MEP1B: variants seen among roughly 807,000 people sequenced by gnomAD.
MEP1B encodes the protein N-benzoyl-L-tyrosyl-P-amino-benzoic acid hydrolase subunit beta.
In MEP1B, 80 loss-of-function variants were observed where a neutral mutation model predicts 84.6. The ratio of observed to expected loss-of-function variants is 0.95; its 90% CI spans 0.79 to 1.14. The LOEUF (loss-of-function observed/expected upper bound fraction) is 1.14, where lower values mean the gene tolerates loss of function less well. Among genes scored for constraint, MEP1B ranks in the 50% most tolerant of loss-of-function variants. The pLI, the probability that MEP1B is intolerant of heterozygous loss-of-function variation, is 0.00. For missense variants in MEP1B, 766 were observed against 855.1 expected (o/e 0.90, Z 1.30); for synonymous variants, 273 against 288.1 (o/e 0.95, Z 0.53).
chr18:32,206,902 G>A (rs2040971269), intron 7 of MEP1B, among the ~76,000 whole-genome samples: 1 of 152,170 alleles, frequency 6.6e-6, no homozygotes, highest in African/African-American at 2.4e-5. Context: ...GAGCCACCAC[G>A]CCCGGCCTTA....
chr18:32,218,422 T>C (rs945941627), intron 14 of MEP1B, among the ~76,000 whole-genome samples: 2 of 152,234 alleles, frequency 1.3e-5, no homozygotes, highest in African/African-American at 2.4e-5. Flanking sequence ...CAGTTCATTC[T>C]GGCTTCATGT....
chr18:32,211,145 A>G lies in MEP1B; in HGVS notation c.1135+429A>G, dbSNP rs944360194. On this transcript the variant is annotated intron_variant, in intron 10 of 14. Transcript: ENST00000269202. ...TAGCTGGGAGTGGTGGCACACGCCT[A>G]TAGTCCCAGCTACTTGGGAAGCTGA... 1.7e-4 allele frequency among the ~76,000 whole-genome samples: 26 copies of G among 152,182 alleles called. 3 individuals carry two copies. The highest frequency in any genetic ancestry group is 1.5e-3 in the Admixed American group (23 of 15,290).
chr18:32,209,129 A>G (rs956357140), intron 9 of MEP1B, among the ~76,000 whole-genome samples: 24 of 152,200 alleles, frequency 1.6e-4, no homozygotes, highest in Non-Finnish European at 3.2e-4. Context: ...TCCTAGAACC[A>G]TATTTAAATG....
At chr18:32,197,006 G>GATC (rs2040862959) in intron 5 of MEP1B, 1 of 200,238 alleles carries the variant, frequency 5.0e-6, no homozygotes, top group South Asian at 1.2e-4. Flanking sequence ...TTTACCCTAT[G>GATC]ATCAATTATA....
At chr18:32,201,304 A>ACACG (rs2040909382) in intron 5 of MEP1B, among the ~76,000 whole-genome samples, 1 of 145,618 alleles carries the variant, frequency 6.9e-6, no homozygotes, top group African/African-American at 2.7e-5. Context: ...GTAGATACAC[A>ACACG]CACACACACA....
intron 5 of MEP1B, among the ~76,000 whole-genome samples, chr18:32,200,300 A>C (rs1272145792): frequency 1.3e-5 from 2 of 152,154 alleles, no homozygotes; most frequent in Non-Finnish European, 2.9e-5. Context: ...ATGATGTCTT[A>C]AATCTTTTGT....
Position 32,190,136 on chromosome 18 carries a change from A to G in MEP1B, c.63+3A>G. 1 of 1,611,152 alleles carries G rather than the reference A, an allele frequency of 6.2e-7. No individual in the cohort carries two copies. Among genetic ancestry groups the G allele is most frequent in the Non-Finnish European group, 8.5e-7 (1 of 1,177,816 alleles). ...CTCTTCTCGTGATTTCTGGCTTGGTAAGGAAACAGTATATAGAAGATAATT... is the reference window on the plus strand; with the variant it reads ...CTCTTCTCGTGATTTCTGGCTTGGTGAGGAAACAGTATATAGAAGATAATT... On this transcript the variant is annotated splice_donor_region_variant and intron_variant, in intron 1 of 14. Transcript: ENST00000269202.
intron 5 of MEP1B, among the ~76,000 whole-genome samples, chr18:32,198,407 T>G (rs970233604): frequency 6.6e-6 from 1 of 152,194 alleles, no homozygotes; most frequent in Non-Finnish European, 1.5e-5. Flanking sequence ...GTTCTTTCTG[T>G]TCACCAGGAG....
At chr18:32,219,810 GCA>G (rs34525566) in intron 14 of MEP1B, among the ~76,000 whole-genome samples, 22 of 149,112 alleles carry the variant, frequency 1.5e-4, no homozygotes, top group Admixed American at 2.7e-4. Flanking sequence ...AAACACACAT[GCA>G]CACACACACA....
chr18:32,208,068 T>C, intron 8 of MEP1B, 51 bp from the exon 9 acceptor site: 1 of 1,587,712 alleles, frequency 6.3e-7, no homozygotes, highest in East Asian at 2.2e-5. Context: ...TTTTTGTTAC[T>C]TAGATTATCA....
At chr18:32,195,290 A>ACACAC in intron 4 of MEP1B, 117 bp from the exon 5 acceptor site, 2 of 639,584 alleles carry the variant, frequency 3.1e-6, no homozygotes, top group Admixed American at 2.6e-5. Flanking sequence ...ACACACACAC[A>ACACAC]ATTTGTTTGT....
Position 32,201,757 on chromosome 18 carries a change from A to C in MEP1B, c.251-1136A>C, listed in dbSNP as rs190808968. On this transcript the variant is annotated intron_variant, in intron 5 of 14. Coordinates refer to ENST00000269202, the MANE Select transcript of MEP1B (RefSeq NM_005925.3). ...TATTTATAACGATAGTGTATTACTT[A>C]TGTGGTATTGTAAAAGTCTGAACTT... Among the ~76,000 whole-genome samples, 4 of 152,252 alleles carry C rather than the reference A, an allele frequency of 2.6e-5. No individual in the cohort carries two copies. In the East Asian group the frequency reaches 7.7e-4, roughly 29 times the overall value.
rs2040856670 is a variant in MEP1B at position 32,196,521 on chromosome 18, C to T, written c.250+1036C>T. 5 of 696,490 alleles carry T rather than the reference C, an allele frequency of 7.2e-6. No individual in the cohort carries two copies. Among genetic ancestry groups the T allele is most frequent in the African/African-American group, 3.5e-5 (2 of 57,132 alleles). The allele number at this position is 696,490 out of a possible 1,614,324, so 43.1% of individuals were successfully genotyped here. ...ATAGACCGAGGTGATGAGGTGGTGG[C>T]CAAGGGCCACCTTGAGAGCTTTGGG... is the stretch of plus-strand genomic sequence containing the variant. On this transcript the variant is annotated intron_variant, in intron 5 of 14. Coordinates refer to ENST00000269202, the MANE Select transcript of MEP1B (RefSeq NM_005925.3). The surrounding 1 kb of genome is among the most constrained non-coding windows in gnomAD (Gnocchi z 4.4).
At chr18:32,209,684 G>C (rs1408301784) in intron 9 of MEP1B, among the ~76,000 whole-genome samples, 1 of 119,380 alleles carries the variant, frequency 8.4e-6, no homozygotes, top group East Asian at 2.4e-4. Flanking sequence ...ATTAAAATGT[G>C]AATCTCCCCA....
chr18:32,206,285 C>T (rs1425411806), intron 7 of MEP1B, among the ~76,000 whole-genome samples: 1 of 152,166 alleles, frequency 6.6e-6, no homozygotes, highest in African/African-American at 2.4e-5. Flanking sequence ...TTTTTAATGA[C>T]TCCTCTGTAG....
intron 5 of MEP1B, among the ~76,000 whole-genome samples, chr18:32,199,918 A>C (rs1781660004): frequency 6.6e-6 from 1 of 152,232 alleles, no homozygotes; most frequent in South Asian, 2.1e-4. Flanking sequence ...TTGGGATTAC[A>C]GGCGTGAGCC....
In MEP1B at chr18:32,207,431, G is replaced by A. The variant is rs776171258; in HGVS notation, c.727G>A (p.Asp243Asn). 1 of 1,612,738 alleles carries A rather than the reference G, an allele frequency of 6.2e-7. No individual in the cohort carries two copies. The highest frequency in any genetic ancestry group is 8.5e-7 in the Non-Finnish European group (1 of 1,179,356). The change falls in exon 8 of 15, where the codon GAC (aspartate) becomes AAC (asparagine). Residue 243 changes from aspartate (D) to asparagine (N), a missense_variant. Physicochemically the swap from Asp to Asn is conservative, Grantham distance 23 (BLOSUM62 1). Transcript: ENST00000269202. ...DVIGQRMDFS[D>N]SDLLKLNQLY... Reference sequence around the variant, plus strand: ...GATCGGCCAACGAATGGATTTCAGTGACTCTGATCTCCTAAAGTTGAATCA... The same window carrying A: ...GATCGGCCAACGAATGGATTTCAGTAACTCTGATCTCCTAAAGTTGAATCA...
At chr18:32,207,639 A>T (rs992898868) in intron 8 of MEP1B, among the ~76,000 whole-genome samples, 169 bp downstream of exon 8, 1 of 152,230 alleles carries the variant, frequency 6.6e-6, no homozygotes. Context: ...ACTTGGAAGC[A>T]GCATTTTTCT....
chr18:32,213,655 G>C (rs2041054631), intron 11 of MEP1B, 96 bp downstream of exon 11: 1 of 927,526 alleles, frequency 1.1e-6, no homozygotes, highest in African/African-American at 1.6e-5. Context: ...TAGTTACCTA[G>C]GGAATTTTGA....
Sources: allele counts gnomAD v4.1 joint callset (sites outside exome capture counted in the v4.1 genomes callset), GRCh38; gene constraint gnomAD v4.1.1; non-coding constraint Gnocchi (gnomAD v3.1); transcripts MANE v1.5; gene names NCBI Gene and HGNC (gene_info 2026-07-23, HGNC 2026-07-21).